The following ATP7B variants were observed in gnomAD, a reference collection of about 807,000 sequenced individuals.
The protein encoded by ATP7B is copper-transporting ATPase 2.
A neutral mutation model predicts 118.9 loss-of-function variants in ATP7B; 113 were observed. The ratio of observed to expected loss-of-function variants is 0.95; its 90% CI spans 0.82 to 1.11. ATP7B has a LOEUF of 1.11. ATP7B is among the 50% of genes most tolerant of loss of function. ATP7B has a pLI of 0.00. For synonymous variants in ATP7B, 777 were observed against 727.4 expected, an observed-to-expected ratio of 1.07 and a Z score of -1.10; for missense variants, 1,867 against 1,871.4, an observed-to-expected ratio of 1.00 and a Z score of 0.04.
At chr13:51,950,691 A>C (rs1957943558) in intron 9 of ATP7B, among the ~76,000 whole-genome samples, 1 of 152,142 alleles carries the variant, frequency 6.6e-6, no homozygotes, top group Non-Finnish European at 1.5e-5. Flanking sequence ...AATATTAATA[A>C]GTGCTGTGAT....
At chr13:51,968,367 C>T in intron 4 of ATP7B, 77 bp downstream of exon 4, 1 of 1,601,714 alleles carries the variant, frequency 6.2e-7, no homozygotes, top group Non-Finnish European at 8.5e-7. Context: ...GGGAAATTTA[C>T]TAATCACAAA....
chr13:51,941,531 G>C (rs1489239251), intron 15 of ATP7B, among the ~76,000 whole-genome samples: 1 of 152,148 alleles, frequency 6.6e-6, no homozygotes, highest in South Asian at 2.1e-4. Context: ...TTCTTTTTCT[G>C]CAGGGATTAG....
In ATP7B at chr13:51,949,736, T is replaced by C; in HGVS notation, c.2791A>G (p.Met931Val). 6.2e-7 allele frequency: 1 copy of C among 1,614,114 alleles called. No individual in the cohort carries two copies. The highest frequency in any genetic ancestry group is 2.2e-5 in the East Asian group (1 of 44,880). The change falls in exon 12 of 21, where the codon ATG becomes GTG. Residue 931 changes from methionine to valine, a missense_variant. Physicochemically the swap from Met to Val is conservative, Grantham distance 21. Coordinates refer to ENST00000242839, the MANE Select transcript of ATP7B (RefSeq NM_000053.4). ...CATACCACCAACGTCAAAGTTGACA[T>C]GATGATGATAAATGGGACAAAATAT... ...SGYFVPFIII[M>V]STLTLVVWIV...
chr13:51,982,089 T>C (rs542287175), intron 1 of ATP7B, among the ~76,000 whole-genome samples: 1 of 151,948 alleles, frequency 6.6e-6, no homozygotes, highest in Admixed American at 6.6e-5. Context: ...CTTCTTCTAA[T>C]GTGGCCCAGG....
At chr13:51,965,975 A>C (rs1306422110) in intron 4 of ATP7B, among the ~76,000 whole-genome samples, 1 of 152,226 alleles carries the variant, frequency 6.6e-6, no homozygotes, top group Non-Finnish European at 1.5e-5. Flanking sequence ...GAATGCATTC[A>C]ACTTGGCCCA....
At chr13:51,971,025 G>A (rs1160660519) in intron 2 of ATP7B, among the ~76,000 whole-genome samples, 2 of 152,150 alleles carry the variant, frequency 1.3e-5, no homozygotes, top group African/African-American at 4.8e-5. Context: ...CTTCCACTGA[G>A]CTACCCCGTA....
rs772241431 is a variant in ATP7B, at chr13:51,950,411, G to A, written c.2448-12C>T. 25 of 1,613,458 alleles carry A rather than the reference G, an allele frequency of 1.5e-5. No individual in the cohort carries two copies. The highest frequency in any genetic ancestry group is 1.2e-4 in the South Asian group (11 of 91,054). On this transcript the variant is annotated splice_polypyrimidine_tract_variant and intron_variant, in intron 9 of 20. Transcript: ENST00000242839. The stretch of plus-strand genomic sequence containing the variant: ...GGACTTGCTCCTCCCTGCAACAAAC[G>A]CCACTTATCACTCACATGGCCACTC...
chr13:51,989,022 T>TAC (rs1952791083), intron 1 of ATP7B, among the ~76,000 whole-genome samples: 1 of 152,086 alleles, frequency 6.6e-6, no homozygotes, highest in Non-Finnish European at 1.5e-5. Context: ...AACCTGCACG[T>TAC]TCTGCACATG....
At chr13:51,973,843 G>A (rs1255036146) in intron 2 of ATP7B, 92 bp downstream of exon 2, 3 of 1,569,600 alleles carry the variant, frequency 1.9e-6, no homozygotes, top group Non-Finnish European at 2.6e-6. Flanking sequence ...GGGAGGCAGG[G>A]AGCAGGGCTC....
intron 1 of ATP7B, among the ~76,000 whole-genome samples, chr13:52,002,409 G>A (rs978926503): frequency 8.1e-5 from 12 of 148,102 alleles, no homozygotes; most frequent in African/African-American, 1.3e-4. Context: ...AAAAAAAAAT[G>A]TTTTTAATTA....
chr13:51,941,329 A>G, intron 15 of ATP7B, 105 bp from the exon 16 acceptor site: 1 of 1,445,690 alleles, frequency 6.9e-7, no homozygotes. Flanking sequence ...CCATTCTGAA[A>G]AACTGTAACC....
intron 1 of ATP7B, among the ~76,000 whole-genome samples, chr13:51,982,064 G>A (rs1409791002): frequency 6.7e-6 from 1 of 148,566 alleles, no homozygotes; most frequent in Non-Finnish European, 1.5e-5. Context: ...TTTTATGTGT[G>A]GCCGAAGACA....
intron 1 of ATP7B, among the ~76,000 whole-genome samples, chr13:51,980,900 T>C (rs1193422526): frequency 3.3e-5 from 5 of 152,196 alleles, no homozygotes; most frequent in Non-Finnish European, 7.3e-5. Flanking sequence ...CCTCCCCCCA[T>C]ACAACTTAAC....
Position 51,958,466 on chromosome 13 carries a change from C to T in ATP7B, c.2200G>A (p.Val734Ile), listed in dbSNP as rs781325777. 4 of 1,614,072 alleles carry T rather than the reference C, an allele frequency of 2.5e-6. No homozygotes were observed. The highest frequency in any genetic ancestry group is 1.3e-5 in the African/African-American group (1 of 74,928). Residue 734 changes from valine (V) to isoleucine (I), a missense_variant, in exon 8 of 21, where the codon GTC becomes ATC. By Grantham distance (29) the Val-to-Ile change is conservative. Coordinates refer to ENST00000242839, the MANE Select transcript of ATP7B (RefSeq NM_000053.4). ...HRSANMDVLI[V>I]LATSIAYVYS... is the part of the protein sequence containing the mutation. ...ACATAAGCAATGCTTGTGGCCAGGA[C>T]GATGAGCACGTCCATGTTGGCTGAC...
chr13:51,943,350 G>C (rs1164934929), intron 14 of ATP7B, among the ~76,000 whole-genome samples: 4 of 152,216 alleles, frequency 2.6e-5, no homozygotes, highest in Admixed American at 1.3e-4. Flanking sequence ...TGAAATGTCA[G>C]AAGGGTGAGG....
intron 1 of ATP7B, among the ~76,000 whole-genome samples, chr13:52,008,016 G>A (rs1247442862): frequency 6.6e-6 from 1 of 151,472 alleles, no homozygotes; most frequent in Non-Finnish European, 1.5e-5. Flanking sequence ...GGGTTTTTAA[G>A]AAAGCTCTAT....
chr13:51,994,928 C>T (rs1028617265), intron 1 of ATP7B, among the ~76,000 whole-genome samples: 4 of 152,144 alleles, frequency 2.6e-5, no homozygotes, highest in Non-Finnish European at 5.9e-5. Context: ...AACAAAACTT[C>T]AACTTGCTTA....
At position 52,011,427 on chromosome 13, in the gene ATP7B, G is replaced by A. The variant is rs1303256714; in HGVS notation, c.-90C>T. ...GAGGAGAGCGGGGTGTTAAAGTCCC[G>A]GGAGAGGAGGCGCAGAGTGTGAGGG... On this transcript the variant is annotated 5_prime_UTR_variant, in exon 1 of 21. Coordinates refer to ENST00000242839, the MANE Select transcript of ATP7B (RefSeq NM_000053.4). 7 of 1,558,810 alleles carry A rather than the reference G, an allele frequency of 4.5e-6. No individual in the cohort carries two copies. Among genetic ancestry groups the A allele is most frequent in the African/African-American group, 1.4e-5 (1 of 73,548 alleles).
intron 1 of ATP7B, among the ~76,000 whole-genome samples, chr13:51,978,206 G>A (rs1429135829): frequency 6.6e-6 from 1 of 151,880 alleles, no homozygotes; most frequent in African/African-American, 2.4e-5. Flanking sequence ...TAAAAAACTG[G>A]GGGAAAAAAG....
Sources: allele counts gnomAD v4.1 joint callset (sites outside exome capture counted in the v4.1 genomes callset), GRCh38; gene constraint gnomAD v4.1.1; transcripts MANE v1.5; gene names NCBI Gene and HGNC (gene_info 2026-07-23, HGNC 2026-07-21).